Variants in TFDP2 observed in about 807,000 individuals in gnomAD.
The protein encoded by TFDP2 is transcription factor Dp-2 (E2F dimerization partner 2).
TFDP2 carries 17 observed loss-of-function variants against 59.3 expected under a neutral mutation model. The observed-to-expected ratio is 0.29, with a 90% confidence interval of 0.20 to 0.43. TFDP2 has a LOEUF of 0.43. TFDP2 is among the 20% of genes least tolerant of loss of function. TFDP2 has a pLI of 1.00. For missense variants in TFDP2, 391 were observed against 528.8 expected, an observed-to-expected ratio of 0.74 and a Z score of 2.56; for synonymous variants, 180 against 194.7, an observed-to-expected ratio of 0.92 and a Z score of 0.63.
chr3:142,131,382 C>A (rs1000111515), intron 1 of TFDP2, among the ~76,000 whole-genome samples: 1 of 149,990 alleles, frequency 6.7e-6, no homozygotes, highest in Non-Finnish European at 1.5e-5. Context: ...TTAATACACA[C>A]CTCTCAGTAA....
Position 141,949,073 on chromosome 3 carries a change from C to A in TFDP2, c.*3440G>T, listed in dbSNP as rs915430246. On this transcript the variant is annotated 3_prime_UTR_variant, in exon 13 of 13. Transcript: ENST00000489671. ...CCTGGGCAACAGAGCGAGACTCAGT[C>A]TCAAAAAAAAAAAAAAAAAAAAAAA... The A allele has an allele frequency of 5.5e-5, 2 of 36,228 alleles. No homozygotes were observed. The highest frequency in any genetic ancestry group is 1.4e-3 in the South Asian group (1 of 704). 2.2% of individuals were successfully genotyped at this position (36,228 alleles called of 1,614,324 possible).
rs148438151 is a variant in TFDP2 at position 142,098,561 on chromosome 3, C to T, written c.15+3174G>A. On this transcript the variant is annotated intron_variant, in intron 2 of 12. Transcript: ENST00000489671. ...TTACCGTATCCCACTTCCATCTCCA[C>T]GGAGTTTAAGCAAGGTCAACTCAAA... 3.8e-3 allele frequency among the ~76,000 whole-genome samples: 578 copies of T among 152,090 alleles called. 2 individuals carry two copies. Among genetic ancestry groups the T allele is most frequent in the African/African-American group, 0.013 (542 of 41,474 alleles).
chr3:142,080,446 A>C (rs763052594), intron 3 of TFDP2, among the ~76,000 whole-genome samples: 3 of 152,186 alleles, frequency 2.0e-5, no homozygotes, highest in Non-Finnish European at 4.4e-5. Context: ...AATGAAGAGA[A>C]CATCACAAAA....
At chr3:142,144,101 C>T (rs1031420375) in intron 1 of TFDP2, among the ~76,000 whole-genome samples, 24 of 128,450 alleles carry the variant, frequency 1.9e-4, no homozygotes, top group Non-Finnish European at 3.5e-4. Flanking sequence ...TGGCCAGGCA[C>T]GATGGCTCAC....
chr3:142,128,400 G>C (rs1405092139), intron 1 of TFDP2, among the ~76,000 whole-genome samples: 2 of 152,098 alleles, frequency 1.3e-5, no homozygotes, highest in Non-Finnish European at 2.9e-5. Flanking sequence ...CAAAACAATC[G>C]GCCTGGGACT....
At chr3:141,980,972 T>C (rs562133190) in intron 6 of TFDP2, among the ~76,000 whole-genome samples, 2 of 152,324 alleles carry the variant, frequency 1.3e-5, no homozygotes, top group Admixed American at 6.5e-5. Flanking sequence ...CTTTTTAAAA[T>C]AAATTACTGT....
At chr3:142,104,684 A>C (rs747861376) in intron 1 of TFDP2, among the ~76,000 whole-genome samples, 2 of 150,596 alleles carry the variant, frequency 1.3e-5, no homozygotes, top group Non-Finnish European at 3.0e-5. Context: ...AAGAAATGAC[A>C]ATGAAAATTT....
intron 1 of TFDP2, among the ~76,000 whole-genome samples, chr3:142,103,759 GA>G (rs914982221): frequency 2.0e-5 from 3 of 152,090 alleles, no homozygotes; most frequent in African/African-American, 7.2e-5. Context: ...CAAGGGGAAG[GA>G]TAAAGTAAAA....
In TFDP2 at chr3:142,068,795, T is replaced by C. The variant is rs184049738; in HGVS notation, c.82+24266A>G. Among the ~76,000 whole-genome samples the C allele has an allele frequency of 3.8e-3, 579 of 152,046 alleles. 3 individuals carry two copies. The highest frequency in any genetic ancestry group is 0.013 in the African/African-American group (546 of 41,500). ...GCTGGTCTCAAATTCCTGGACTCAATGGATCTGCCCGCCTCAGCCTACAAA... is the reference window on the plus strand; with the variant it reads ...GCTGGTCTCAAATTCCTGGACTCAACGGATCTGCCCGCCTCAGCCTACAAA... On this transcript the variant is annotated intron_variant, in intron 3 of 12. Transcript: ENST00000489671.
Position 141,995,103 on chromosome 3 carries a change from A to G in TFDP2, c.225T>C (p.Ser75=). The change falls in exon 5 of 13, where the codon AGT becomes AGC. Residue 75 remains serine (S), a synonymous_variant. Transcript: ENST00000489671. The stretch of plus-strand genomic sequence containing the variant: ...GGGTATATGGACTCCCAATCAGAAC[A>G]CTTCCTGAACTGGTTAGTCTCTGTG... ...STPQRLTSSG[S]VLIGSPYTPA... is the part of the protein sequence containing the mutation. 6.2e-7 allele frequency: 1 copy of G among 1,609,914 alleles called. No homozygotes were observed. The highest frequency in any genetic ancestry group is 8.5e-7 in the Non-Finnish European group (1 of 1,177,734).
chr3:142,085,914 C>G (rs960158086), intron 3 of TFDP2, among the ~76,000 whole-genome samples: 1 of 152,184 alleles, frequency 6.6e-6, no homozygotes, highest in Admixed American at 6.5e-5. Context: ...ACTGTGATCC[C>G]AGCAATCTAC....
Position 142,025,573 on chromosome 3 carries a change from CT to C in TFDP2, c.83-20030del, listed in dbSNP as rs1168351565. On this transcript the variant is annotated intron_variant, in intron 3 of 12. Coordinates refer to ENST00000489671, the MANE Select transcript of TFDP2 (RefSeq NM_001178139.2). ...TATGTATTACATGTGGAGTGACCAA[CT>C]TTTTTTTAAGCCTGTCTATTCCATC... is the stretch of plus-strand genomic sequence containing the variant. Among the ~76,000 whole-genome samples, 4 of 152,084 alleles carry C rather than the reference CT, an allele frequency of 2.6e-5. No homozygotes were observed. In the East Asian group the frequency reaches 5.8e-4, roughly 22 times the overall value.
intron 3 of TFDP2, among the ~76,000 whole-genome samples, chr3:142,026,955 T>C (rs1384940611): frequency 1.3e-5 from 2 of 152,210 alleles, no homozygotes; most frequent in South Asian, 2.1e-4. Context: ...TATGCAAAGG[T>C]CTTAGGAATA....
At chr3:141,993,337 C>T (rs1246213224) in intron 6 of TFDP2, among the ~76,000 whole-genome samples, 1 of 152,154 alleles carries the variant, frequency 6.6e-6, no homozygotes, top group Admixed American at 6.6e-5. Flanking sequence ...AGTCAATCTG[C>T]TCACAGGGTA....
chr3:142,053,719 G>A (rs1057267255), intron 3 of TFDP2, among the ~76,000 whole-genome samples: 4 of 152,104 alleles, frequency 2.6e-5, no homozygotes, highest in African/African-American at 9.7e-5. Flanking sequence ...AGAAGAAAAA[G>A]ACACATGACA....
intron 3 of TFDP2, among the ~76,000 whole-genome samples, chr3:142,014,269 G>GT (rs1944949879): frequency 6.6e-6 from 1 of 152,110 alleles, no homozygotes. Context: ...CAGCTCTCCA[G>GT]TAAGCTGGAA....
intron 1 of TFDP2, among the ~76,000 whole-genome samples, chr3:142,112,893 C>G (rs1356388450): frequency 6.6e-6 from 1 of 152,126 alleles, no homozygotes; most frequent in Admixed American, 6.5e-5. Flanking sequence ...GCAATATTAA[C>G]AGATTATCAA....
At chr3:141,979,640 G>A (rs1941227672) in intron 6 of TFDP2, among the ~76,000 whole-genome samples, 1 of 152,138 alleles carries the variant, frequency 6.6e-6, no homozygotes, top group South Asian at 2.1e-4. Flanking sequence ...CTAGGCTGGA[G>A]TGCAGTGGTG....
chr3:142,007,264 G>C (rs1025776490), intron 3 of TFDP2, among the ~76,000 whole-genome samples: 2 of 151,750 alleles, frequency 1.3e-5, no homozygotes, highest in Non-Finnish European at 2.9e-5. Context: ...TCTATTTCTT[G>C]TACCCACTCA....
Sources: allele counts gnomAD v4.1 joint callset (sites outside exome capture counted in the v4.1 genomes callset), GRCh38; gene constraint gnomAD v4.1.1; transcripts MANE v1.5; gene names NCBI Gene and HGNC (gene_info 2026-07-23, HGNC 2026-07-21).